The following SCAP variants were observed in gnomAD, a reference collection of about 807,000 sequenced individuals.
SCAP encodes the protein SREBF chaperone.
A neutral mutation model predicts 123.6 loss-of-function variants in SCAP; 65 were observed. That is an observed-to-expected ratio of 0.53 (90% CI 0.43 to 0.65). The LOEUF (loss-of-function observed/expected upper bound fraction) is 0.65. Ranked by LOEUF, SCAP falls within the 30% of genes least tolerant of loss-of-function variation. The pLI, the probability that SCAP is intolerant of heterozygous loss-of-function variation, is 0.00. For missense variants in SCAP, 1,398 were observed against 1,712.5 expected, an observed-to-expected ratio of 0.82 and a Z score of 3.24; for synonymous variants, 740 against 726.3, an observed-to-expected ratio of 1.02 and a Z score of -0.30.
intron 1 of SCAP, among the ~76,000 whole-genome samples, chr3:47,463,857 G>A (rs1707733653): frequency 6.6e-6 from 1 of 151,986 alleles, no homozygotes; most frequent in African/African-American, 2.4e-5. Context: ...TTTTATTTTT[G>A]AGATAGGGTC....
intron 1 of SCAP, among the ~76,000 whole-genome samples, chr3:47,456,880 A>T (rs1707448279): frequency 6.6e-6 from 1 of 152,078 alleles, no homozygotes; most frequent in African/African-American, 2.4e-5. Context: ...ATTTTGACAA[A>T]ATCAATTTAA....
chr3:47,417,320 C>G lies in SCAP; in HGVS notation c.2954G>C (p.Ser985Thr), dbSNP rs1705630707. ...LQGNLIVVGR[S>T]SGRLEVWDAI... Reference sequence around the variant, plus strand: ...TCTGCCCACCTCCAGCCGGCCGCTGCTCCGCCCCACCACGATGAGGTTGCC... The same window carrying G: ...TCTGCCCACCTCCAGCCGGCCGCTGGTCCGCCCCACCACGATGAGGTTGCC... Residue 985 changes from serine to threonine, a missense_variant, in exon 17 of 23, where the codon AGC (serine) becomes ACC (threonine). Around this residue, in one of 7 missense-constraint regions of SCAP, gnomAD observed 828 missense variants for 882.5 expected, o/e 0.94. Transcript: ENST00000265565. 1 of 1,612,210 alleles carries G rather than the reference C, an allele frequency of 6.2e-7. No homozygotes were observed. The highest frequency in any genetic ancestry group is 8.5e-7 in the Non-Finnish European group (1 of 1,179,742).
chr3:47,475,989 C>T (rs1017362941), upstream of SCAP: 3 of 152,348 alleles, frequency 2.0e-5, no homozygotes, highest in African/African-American at 7.2e-5. Context: ...CCCCGCCGCC[C>T]TCCGCACGTG....
At chr3:47,443,910 A>T (rs1351788709) in intron 1 of SCAP, among the ~76,000 whole-genome samples, 1 of 152,132 alleles carries the variant, frequency 6.6e-6, no homozygotes, top group Non-Finnish European at 1.5e-5. Context: ...TTCTAAACAC[A>T]AACAAACAGG....
In SCAP at chr3:47,413,804, G is replaced by T; in HGVS notation, c.*50C>A. On this transcript the variant is annotated 3_prime_UTR_variant, in exon 23 of 23. Coordinates refer to ENST00000265565, the MANE Select transcript of SCAP (RefSeq NM_012235.4). ...CCCCCAAGTCCAGGTTCAGTGCATT[G>T]GCCCCCACACAGCACCCCAGCCTCC... is the stretch of plus-strand genomic sequence containing the variant. 1 of 1,587,882 alleles carries T rather than the reference G, an allele frequency of 6.3e-7. No individual in the cohort carries two copies. Among genetic ancestry groups the T allele is most frequent in the Non-Finnish European group, 8.6e-7 (1 of 1,165,304 alleles).
rs760865363 is a variant in SCAP at position 47,420,714 on chromosome 3, A to G, written c.1403T>C (p.Val468Ala). 20 of 1,611,138 alleles carry G rather than the reference A, an allele frequency of 1.2e-5. No individual in the cohort carries two copies. In the East Asian group the frequency reaches 4.2e-4, roughly 34 times the overall value. The change falls in exon 12 of 23, where the codon GTG becomes GCG. Residue 468 changes from valine to alanine, a missense_variant. Transcript: ENST00000265565. This position sits in a 1 kb window ranked among gnomAD's most constrained non-coding sequence, Gnocchi z 5.0. Reference sequence around the variant, plus strand: ...CCGCTCGTAGCGCGTTGGCTGTCCCACTGGCTTGGCTGAGGGCAGGCAGGC... The same window carrying G: ...CCGCTCGTAGCGCGTTGGCTGTCCCGCTGGCTTGGCTGAGGGCAGGCAGGC... ...PEACLPSAKP[V>A]GQPTRYERQL... is the part of the protein sequence containing the mutation.
intron 1 of SCAP, among the ~76,000 whole-genome samples, chr3:47,466,469 GAAA>G (rs1162770903): frequency 6.6e-6 from 1 of 151,990 alleles, no homozygotes; most frequent in African/African-American, 2.4e-5. Context: ...AAAAGAAGAA[GAAA>G]AAAGAACCCA....
rs773565318 is a variant in SCAP at position 47,427,625 on chromosome 3, G to A, written c.453C>T (p.Thr151=). The change falls in exon 5 of 23, where the codon ACC becomes ACT. Residue 151 remains threonine (T), a synonymous_variant. Coordinates refer to ENST00000265565, the MANE Select transcript of SCAP (RefSeq NM_012235.4). ...RSLEELCLQV[T]DLLPGLRKLR... is the part of the protein sequence containing the mutation. ...GCTTCCTAAGGCCTGGCAGCAGGTC[G>A]GTCACTTGCAGACACAACTCCTCCA... The A allele has an allele frequency of 3.3e-5, 54 of 1,613,964 alleles. 1 individual carries two copies. Among genetic ancestry groups the A allele is most frequent in the African/African-American group, 2.1e-4 (16 of 74,896 alleles).
Position 47,413,803 on chromosome 3 carries a change from TG to T in SCAP, c.*50del, listed in dbSNP as rs758003682. ...TCCCCCAAGTCCAGGTTCAGTGCATTGGCCCCCACACAGCACCCCAGCCTCC... is the reference window on the plus strand; with the variant it reads ...TCCCCCAAGTCCAGGTTCAGTGCATTGCCCCCACACAGCACCCCAGCCTCC... On this transcript the variant is annotated 3_prime_UTR_variant, in exon 23 of 23. Transcript: ENST00000265565. 1.3e-6 allele frequency: 2 copies of T among 1,574,040 alleles called. No individual in the cohort carries two copies. Among genetic ancestry groups the T allele is most frequent in the South Asian group, 2.3e-5 (2 of 87,712 alleles).
At chr3:47,424,202 A>T (rs1377955544) in intron 8 of SCAP, among the ~76,000 whole-genome samples, 157 bp from the exon 9 acceptor site, 1 of 151,246 alleles carries the variant, frequency 6.6e-6, no homozygotes, top group Non-Finnish European at 1.5e-5. Context: ...ACCTCACCCA[A>T]CAAGACCTGC....
intron 1 of SCAP, among the ~76,000 whole-genome samples, chr3:47,460,023 G>A (rs538724938): frequency 3.3e-5 from 5 of 152,264 alleles, no homozygotes; most frequent in South Asian, 4.1e-4. Flanking sequence ...AGAATTTAGC[G>A]ATATCTTCCC....
In SCAP at chr3:47,417,515, T is replaced by C. The variant is rs1306397710; in HGVS notation, c.2759A>G (p.Tyr920Cys). 3.2e-6 allele frequency: 5 copies of C among 1,557,418 alleles called. No homozygotes were observed. In the Admixed American group the frequency reaches 7.8e-5, roughly 24 times the overall value. ...YDFSCLVQRV[Y>C]QEEGLAAVCT... ...GACGGCCGCCAGCCCCTCCTCCTGG[T>C]ACACCCGCTGCACCAGGCAGCTGAA... Residue 920 changes from tyrosine to cysteine, a missense_variant, in exon 17 of 23, where the codon TAC becomes TGC. By Grantham distance (194) the Tyr-to-Cys change is radical. This residue lies in a region of SCAP where 828 missense variants were observed against 882.5 expected (regional missense o/e 0.94). Coordinates refer to ENST00000265565, the MANE Select transcript of SCAP (RefSeq NM_012235.4).
intron 1 of SCAP, among the ~76,000 whole-genome samples, chr3:47,466,120 A>G (rs1202163172): frequency 6.8e-6 from 1 of 146,798 alleles, no homozygotes; most frequent in Non-Finnish European, 1.5e-5. Context: ...CAACAGAGTG[A>G]GACTGTCTTA....
intron 1 of SCAP, among the ~76,000 whole-genome samples, chr3:47,449,025 C>A (rs1441602624): frequency 6.6e-6 from 1 of 152,202 alleles, no homozygotes; most frequent in East Asian, 1.9e-4. Flanking sequence ...AGTTCCTACC[C>A]ACCTTCTGTG....
Position 47,418,367 on chromosome 3 carries a change from GGC to G in SCAP, c.2283_2284del (p.Pro762ThrfsTer67). ...AAGCGGCACGATCTCCGTCTCGGGT[GGC>G]GCATAGCCGTAGTCGTCGCAGGGCA... On this transcript the variant is annotated frameshift_variant, in exon 15 of 23. Coordinates refer to ENST00000265565, the MANE Select transcript of SCAP (RefSeq NM_012235.4). LOFTEE classifies it high-confidence loss of function. 1 of 1,572,280 alleles carries G rather than the reference GGC, an allele frequency of 6.4e-7. No homozygotes were observed. Among genetic ancestry groups the G allele is most frequent in the Non-Finnish European group, 8.6e-7 (1 of 1,161,348 alleles).
intron 1 of SCAP, among the ~76,000 whole-genome samples, chr3:47,462,726 C>A (rs1424174292): frequency 7.4e-6 from 1 of 136,034 alleles, no homozygotes; most frequent in Non-Finnish European, 1.5e-5. Flanking sequence ...GCACCCCAGA[C>A]TGGGCAATAA....
chr3:47,426,503 T>C (rs1435659279), intron 6 of SCAP, among the ~76,000 whole-genome samples: 1 of 152,216 alleles, frequency 6.6e-6, no homozygotes, highest in Non-Finnish European at 1.5e-5. Flanking sequence ...AGTGGCGCCA[T>C]CTGGGCTCAC....
intron 1 of SCAP, among the ~76,000 whole-genome samples, chr3:47,472,576 A>G (rs2108037646): frequency 6.6e-6 from 1 of 152,288 alleles, no homozygotes; most frequent in East Asian, 1.9e-4. Context: ...TTTGGACCCC[A>G]CTGCAAAGCT....
At chr3:47,429,986 T>G (rs930505349) in intron 3 of SCAP, among the ~76,000 whole-genome samples, 1 of 152,194 alleles carries the variant, frequency 6.6e-6, no homozygotes, top group East Asian at 1.9e-4. Flanking sequence ...TCCAAACATA[T>G]GGCCTTGAAA....
Sources: gnomAD v4.1 joint callset for allele counts (sites outside exome capture counted in the v4.1 genomes callset) on GRCh38, gnomAD v4.1.1 for gene constraint, gnomAD v4.1.1 regional missense constraint, Gnocchi (gnomAD v3.1) non-coding constraint, MANE v1.5 for transcripts, NCBI Gene and HGNC (gene_info 2026-07-23, HGNC 2026-07-21) for gene names.